Variants in SDK1 observed in about 807,000 individuals in gnomAD.
SDK1 encodes protein sidekick-1.
In SDK1, 157 loss-of-function variants were observed where a neutral mutation model predicts 245.5. The ratio of observed to expected loss-of-function variants is 0.64; its 90% CI spans 0.56 to 0.73. The LOEUF is 0.73. Ranked by LOEUF, SDK1 falls within the 30% of genes least tolerant of loss-of-function variation. SDK1 has a pLI of 0.00. For synonymous variants in SDK1, 1,647 were observed against 1,278.5 expected (o/e 1.29, Z -6.15); for missense variants, 3,583 against 3,002.3 (o/e 1.19, Z -4.52).
At chr7:4,252,313 T>C (rs1416417657) in intron 44 of SDK1, among the ~76,000 whole-genome samples, 2 of 151,272 alleles carry the variant, frequency 1.3e-5, no homozygotes, top group Non-Finnish European at 2.9e-5. Context: ...CGGTGTTTGG[T>C]TTTTTGTCCT....
chr7:3,843,898 T>C (rs1362612940), intron 5 of SDK1, among the ~76,000 whole-genome samples: 1 of 152,218 alleles, frequency 6.6e-6, no homozygotes, highest in African/African-American at 2.4e-5. Flanking sequence ...TTTATGGTAA[T>C]ATTATGTTGA....
At chr7:4,023,613 G>T (rs559523979) in intron 17 of SDK1, among the ~76,000 whole-genome samples, 1 of 152,288 alleles carries the variant, frequency 6.6e-6, no homozygotes, top group East Asian at 1.9e-4. Context: ...AGTGTAAGTT[G>T]TGTATAACCG....
intron 1 of SDK1, among the ~76,000 whole-genome samples, chr7:3,618,554 G>A (rs1194331037): frequency 6.6e-6 from 1 of 152,182 alleles, no homozygotes. Flanking sequence ...TGAGTTTCCT[G>A]TGTTGTATCC....
chr7:3,405,613 C>A (rs1268589303), intron 1 of SDK1, among the ~76,000 whole-genome samples: 1 of 152,072 alleles, frequency 6.6e-6, no homozygotes, highest in East Asian at 1.9e-4. Context: ...ACATGTAGAT[C>A]TAGAAGGATT....
chr7:4,121,022 T>C (rs954881172), intron 25 of SDK1, among the ~76,000 whole-genome samples: 5 of 151,930 alleles, frequency 3.3e-5, no homozygotes, highest in Non-Finnish European at 7.4e-5. Context: ...TGAAAACCTA[T>C]CTTTATAGTA....
chr7:3,339,845 A>T (rs1382603850), intron 1 of SDK1, among the ~76,000 whole-genome samples: 1 of 152,130 alleles, frequency 6.6e-6, no homozygotes, highest in Non-Finnish European at 1.5e-5. Flanking sequence ...AAGCCTAAGC[A>T]AGCAGAACGA....
At chr7:3,503,181 A>C (rs180761159) in intron 1 of SDK1, among the ~76,000 whole-genome samples, 1 of 152,210 alleles carries the variant, frequency 6.6e-6, no homozygotes, top group South Asian at 2.1e-4. Context: ...TTATACATAA[A>C]TTCAAGGTTT....
chr7:4,050,990 TTA>T (rs1004638907), intron 18 of SDK1, among the ~76,000 whole-genome samples: 12 of 142,290 alleles, frequency 8.4e-5, no homozygotes, highest in East Asian at 2.0e-4. Context: ...GCTATATATG[TTA>T]TATATGTTAT....
intron 4 of SDK1, among the ~76,000 whole-genome samples, chr7:3,676,261 C>G (rs987166591): frequency 1.3e-5 from 2 of 151,986 alleles, no homozygotes; most frequent in African/African-American, 4.8e-5. Flanking sequence ...TCAAGTTATA[C>G]TCCTGCCTTG....
At chr7:3,394,360 T>A (rs771352214) in intron 1 of SDK1, among the ~76,000 whole-genome samples, 3 of 152,144 alleles carry the variant, frequency 2.0e-5, no homozygotes, top group Non-Finnish European at 4.4e-5. Flanking sequence ...AATATAAGAA[T>A]TTATTGCTGG....
At chr7:3,916,926 G>A (rs1382539971) in intron 5 of SDK1, among the ~76,000 whole-genome samples, 1 of 152,184 alleles carries the variant, frequency 6.6e-6, no homozygotes, top group East Asian at 1.9e-4. Context: ...AGGCACAGAT[G>A]CAGACTCATA....
chr7:3,794,153 T>C (rs576832389), intron 4 of SDK1, among the ~76,000 whole-genome samples: 1 of 152,322 alleles, frequency 6.6e-6, no homozygotes, highest in African/African-American at 2.4e-5. Context: ...ATTTCAGATA[T>C]GCAAAGCAAG....
chr7:3,454,388 TTG>T (rs60437983), intron 1 of SDK1, among the ~76,000 whole-genome samples: 3,048 of 141,688 alleles, frequency 0.022, 74 homozygotes, highest in African/African-American at 0.062. Flanking sequence ...TCCCCAAGAT[TTG>T]TGTGTGTGTG....
At chr7:3,827,175 G>A (rs1443585886) in intron 5 of SDK1, among the ~76,000 whole-genome samples, 1 of 152,128 alleles carries the variant, frequency 6.6e-6, no homozygotes, top group Non-Finnish European at 1.5e-5. Context: ...CACATATGGG[G>A]GAAGCTCAAT....
At chr7:4,212,600 CA>C (rs1411761714) in intron 38 of SDK1, among the ~76,000 whole-genome samples, 3 of 152,152 alleles carry the variant, frequency 2.0e-5, no homozygotes, top group East Asian at 3.9e-4. Flanking sequence ...GCCTGGGAGC[CA>C]GGGGGCCTGG....
At chr7:3,647,879 A>G (rs1010120059) in intron 4 of SDK1, among the ~76,000 whole-genome samples, 4 of 152,070 alleles carry the variant, frequency 2.6e-5, no homozygotes, top group Admixed American at 6.6e-5. Flanking sequence ...GCAGAAGGGG[A>G]AAAAAAATGA....
In SDK1 at chr7:3,606,428, C is replaced by G. The variant is rs1036718149; in HGVS notation, c.299-12652C>G. On this transcript the variant is annotated intron_variant, in intron 1 of 44. Transcript: ENST00000404826. ...GGTAGTGAAGTCAGAACTTATCAAA[C>G]TTTTGCTAAAATTTCCCCATTGGCT... Among the ~76,000 whole-genome samples the G allele has an allele frequency of 4.6e-5, 7 of 152,182 alleles. No homozygotes were observed. In the East Asian group the frequency reaches 1.2e-3, roughly 25 times the overall value.
chr7:3,662,043 T>A (rs1783380287), intron 4 of SDK1, among the ~76,000 whole-genome samples: 2 of 17,544 alleles, frequency 1.1e-4, no homozygotes, highest in African/African-American at 2.7e-4. Flanking sequence ...ACGGTTGTAT[T>A]TTTTTTTTTT....
chr7:3,741,430 C>T (rs995735724), intron 4 of SDK1, among the ~76,000 whole-genome samples: 1 of 152,142 alleles, frequency 6.6e-6, no homozygotes, highest in Non-Finnish European at 1.5e-5. Context: ...CTGGCCATGC[C>T]ATATCTGTGT....
Sources: gnomAD v4.1 joint callset for allele counts (sites outside exome capture counted in the v4.1 genomes callset) on GRCh38, gnomAD v4.1.1 for gene constraint, MANE v1.5 for transcripts, NCBI Gene and HGNC (gene_info 2026-07-23, HGNC 2026-07-21) for gene names.